KCNH8: variants seen among roughly 807,000 people sequenced by gnomAD.
KCNH8 encodes voltage-gated delayed rectifier potassium channel KCNH8.
Under a neutral mutation model 103.6 loss-of-function variants are expected in KCNH8, and 70 were observed. The observed-to-expected ratio is 0.68, with a 90% CI of 0.56 to 0.82. The LOEUF is 0.82. KCNH8 is among the 40% of genes least tolerant of loss of function. The pLI is 0.00. For missense variants in KCNH8, 1,217 were observed against 1,329.9 expected, an observed-to-expected ratio of 0.92 and a Z score of 1.32; for synonymous variants, 498 against 489.4, an observed-to-expected ratio of 1.02 and a Z score of -0.23.
rs1435156958 is a variant in KCNH8, at chr3:19,253,793, G to C, written c.216G>C (p.Gly72=). 3 of 1,613,778 alleles carry C rather than the reference G, an allele frequency of 1.9e-6. No individual in the cohort carries two copies. Among genetic ancestry groups the C allele is most frequent in the Non-Finnish European group, 2.5e-6 (3 of 1,179,870 alleles). ...GTTGTAGCTGCAAGTTCTTATTTGG[G>C]GTTGAAACCAATGAGCAACTGATGC... ...QKSCSCKFLF[G]VETNEQLMLQ... is the part of the protein sequence containing the mutation. The change falls in exon 2 of 16, where the codon GGG becomes GGC. Residue 72 remains glycine (G), a synonymous_variant. Transcript: ENST00000328405.
chr3:19,324,995 G>A (rs2065402285), intron 3 of KCNH8, among the ~76,000 whole-genome samples: 1 of 152,076 alleles, frequency 6.6e-6, no homozygotes, highest in South Asian at 2.1e-4. Flanking sequence ...CAGACAAATA[G>A]ACCAATGGAA....
At chr3:19,371,337 G>A (rs1279184669) in intron 5 of KCNH8, among the ~76,000 whole-genome samples, 1 of 151,940 alleles carries the variant, frequency 6.6e-6, no homozygotes, top group Non-Finnish European at 1.5e-5. Flanking sequence ...TTGTGGTTTT[G>A]ACTTGCATTT....
intron 1 of KCNH8, among the ~76,000 whole-genome samples, chr3:19,208,596 T>C (rs1244199340): frequency 6.6e-6 from 1 of 151,960 alleles, no homozygotes; most frequent in African/African-American, 2.4e-5. Context: ...TAAATTATAG[T>C]CCTTATGCTC....
At chr3:19,185,616 T>C (rs2063494327) in intron 1 of KCNH8, among the ~76,000 whole-genome samples, 2 of 151,998 alleles carry the variant, frequency 1.3e-5, no homozygotes, top group Admixed American at 6.6e-5. Context: ...CACATGATAT[T>C]ACTTTGGACA....
chr3:19,498,377 G>C (rs1422812444), intron 11 of KCNH8, among the ~76,000 whole-genome samples: 11 of 151,716 alleles, frequency 7.3e-5, no homozygotes, highest in South Asian at 2.1e-4. Context: ...TGGTATGTTT[G>C]TTTGTTTGTT....
chr3:19,332,412 A>C (rs1183551268), intron 3 of KCNH8, among the ~76,000 whole-genome samples: 1 of 152,150 alleles, frequency 6.6e-6, no homozygotes, highest in Non-Finnish European at 1.5e-5. Flanking sequence ...GTTGCTGCCT[A>C]CATCCATTGT....
intron 9 of KCNH8, chr3:19,450,724 A>G: frequency 3.5e-6 from 1 of 284,540 alleles, no homozygotes; most frequent in Non-Finnish European, 6.7e-6. Context: ...GCCACTATAA[A>G]AACAGTATTA....
At chr3:19,502,172 A>G (rs1457158085) in intron 11 of KCNH8, among the ~76,000 whole-genome samples, 1 of 150,418 alleles carries the variant, frequency 6.6e-6, no homozygotes, top group Non-Finnish European at 1.5e-5. Flanking sequence ...CCCATTCACA[A>G]TTGCTTCAAA....
chr3:19,258,215 G>A (rs11928219), intron 2 of KCNH8, among the ~76,000 whole-genome samples: 14,216 of 152,012 alleles, frequency 0.094, 2,149 homozygotes, highest in African/African-American at 0.32. Context: ...TTACATTTAT[G>A]TTGAATAGAT....
chr3:19,284,887 G>T (rs1296491954), intron 3 of KCNH8, among the ~76,000 whole-genome samples: 1 of 147,002 alleles, frequency 6.8e-6, no homozygotes, highest in Non-Finnish European at 1.5e-5. Context: ...AAAAAGAAAA[G>T]GAAAGAAAGA....
At chr3:19,512,070 A>G (rs1303795027) in intron 12 of KCNH8, among the ~76,000 whole-genome samples, 1 of 152,184 alleles carries the variant, frequency 6.6e-6, no homozygotes, top group Non-Finnish European at 1.5e-5. Context: ...ATGATCAGAT[A>G]TAAGGGATTC....
chr3:19,458,475 A>T (rs1290334517), intron 11 of KCNH8, among the ~76,000 whole-genome samples: 1 of 151,862 alleles, frequency 6.6e-6, no homozygotes, highest in African/African-American at 2.4e-5. Flanking sequence ...CTTATTAAGG[A>T]TCCTTATCTT....
intron 12 of KCNH8, 35 bp downstream of exon 12, chr3:19,510,436 A>G: frequency 7.7e-7 from 1 of 1,306,448 alleles, no homozygotes; most frequent in Non-Finnish European, 1.1e-6. Context: ...ATATTTATCT[A>G]AAATCTGGAG....
intron 5 of KCNH8, among the ~76,000 whole-genome samples, chr3:19,377,454 G>A (rs1406625446): frequency 9.2e-5 from 14 of 152,042 alleles, no homozygotes; most frequent in Non-Finnish European, 1.9e-4. Flanking sequence ...TCAGACGTAG[G>A]GACAATTTCT....
intron 11 of KCNH8, among the ~76,000 whole-genome samples, chr3:19,496,019 G>A (rs1196016186): frequency 6.6e-6 from 1 of 152,120 alleles, no homozygotes; most frequent in African/African-American, 2.4e-5. Context: ...TTCGTATACA[G>A]GAAGGCTACT....
intron 11 of KCNH8, among the ~76,000 whole-genome samples, chr3:19,468,813 A>C (rs992705486): frequency 2.0e-5 from 3 of 152,178 alleles, no homozygotes; most frequent in African/African-American, 7.2e-5. Context: ...TTCCTTCCTT[A>C]GATAAAAACA....
chr3:19,482,219 AACG>A (rs1300986726), intron 11 of KCNH8, among the ~76,000 whole-genome samples: 1 of 152,218 alleles, frequency 6.6e-6, no homozygotes, highest in Non-Finnish European at 1.5e-5. Context: ...ATCTATAGAT[AACG>A]TAACCCATTA....
At chr3:19,258,443 G>A (rs1267108754) in intron 2 of KCNH8, among the ~76,000 whole-genome samples, 1 of 151,888 alleles carries the variant, frequency 6.6e-6, no homozygotes, top group African/African-American at 2.4e-5. Context: ...AAGAGTCAGA[G>A]TTGCTAAATA....
intron 2 of KCNH8, among the ~76,000 whole-genome samples, chr3:19,272,151 A>G (rs1416185653): frequency 6.6e-6 from 1 of 152,072 alleles, no homozygotes; most frequent in African/African-American, 2.4e-5. Context: ...TAAAATTACC[A>G]GAAGAGAAAG....
Sources: gnomAD v4.1 joint callset for allele counts (sites outside exome capture counted in the v4.1 genomes callset) on GRCh38, gnomAD v4.1.1 for gene constraint, MANE v1.5 for transcripts, NCBI Gene and HGNC (gene_info 2026-07-23, HGNC 2026-07-21) for gene names.